The following LRRC7 variants were observed in gnomAD, a reference collection of about 807,000 sequenced individuals.
LRRC7 encodes leucine-rich repeat-containing protein 7.
A neutral mutation model predicts 175.7 loss-of-function variants in LRRC7; 23 were observed. That is an observed-to-expected ratio of 0.13 (90% CI 0.09 to 0.19). LRRC7 has a LOEUF of 0.19. LRRC7 is among the 10% of genes least tolerant of loss of function. LRRC7 has a pLI of 1.00. For missense variants in LRRC7, 1,354 were observed against 1,904.7 expected, an observed-to-expected ratio of 0.71 and a Z score of 5.38; for synonymous variants, 685 against 680.9, an observed-to-expected ratio of 1.01 and a Z score of -0.09.
intron 7 of LRRC7, among the ~76,000 whole-genome samples, chr1:69,868,720 A>G (rs1428507540): frequency 6.6e-6 from 1 of 152,096 alleles, no homozygotes; most frequent in Admixed American, 6.6e-5. Context: ...AGTGCCACAG[A>G]CTTGTTGGAC....
intron 1 of LRRC7, among the ~76,000 whole-genome samples, chr1:69,622,871 G>A (rs1650856392): frequency 6.6e-6 from 1 of 152,064 alleles, no homozygotes; most frequent in African/African-American, 2.4e-5. Flanking sequence ...CTAAATATAG[G>A]CCAGGATAAG....
intron 2 of LRRC7, among the ~76,000 whole-genome samples, chr1:69,711,701 G>T (rs963261524): frequency 6.6e-6 from 1 of 152,154 alleles, no homozygotes; most frequent in African/African-American, 2.4e-5. Context: ...CTCAAGTGCT[G>T]TAGCAACACT....
Position 69,803,258 on chromosome 1 carries a change from G to A in LRRC7, c.421+11098G>A, listed in dbSNP as rs141356698. ...GCCATTCTTAATACTGAATTCTTCC[G>A]CAAGAATATTAGGTTCAACTTGTTG... On this transcript the variant is annotated intron_variant, in intron 4 of 26. Coordinates refer to ENST00000651989, the MANE Select transcript of LRRC7 (RefSeq NM_001370785.2). 1.1e-3 allele frequency among the ~76,000 whole-genome samples: 171 copies of A among 151,228 alleles called. 1 individual carries two copies. The highest frequency in any genetic ancestry group is 3.6e-3 in the African/African-American group (150 of 41,418).
At chr1:69,860,865 C>A (rs1229284512) in intron 7 of LRRC7, among the ~76,000 whole-genome samples, 3 of 151,936 alleles carry the variant, frequency 2.0e-5, no homozygotes, top group Non-Finnish European at 2.9e-5. Context: ...TATCTCTTCC[C>A]AAATTATTCA....
chr1:69,655,499 A>C (rs975464245), intron 1 of LRRC7, among the ~76,000 whole-genome samples: 1 of 152,050 alleles, frequency 6.6e-6, no homozygotes, highest in African/African-American at 2.4e-5. Context: ...AAGCCAACAG[A>C]ACCTGTCTTC....
At chr1:69,726,295 T>C (rs1385844915) in intron 2 of LRRC7, among the ~76,000 whole-genome samples, 2 of 152,186 alleles carry the variant, frequency 1.3e-5, no homozygotes, top group African/African-American at 4.8e-5. Flanking sequence ...GGAAAGAGTT[T>C]CCTTGAAAGA....
chr1:69,912,887 C>T (rs976977323), intron 7 of LRRC7, among the ~76,000 whole-genome samples: 2 of 151,972 alleles, frequency 1.3e-5, no homozygotes, highest in Non-Finnish European at 2.9e-5. Flanking sequence ...TTTTTTTTAA[C>T]AAATATACCT....
intron 8 of LRRC7, among the ~76,000 whole-genome samples, chr1:69,942,630 C>T (rs1347105510): frequency 6.6e-6 from 1 of 152,042 alleles, no homozygotes; most frequent in Middle Eastern, 3.4e-3. Context: ...TTCCTCACAT[C>T]GCCTTGATCT....
At chr1:69,781,501 G>A (rs1002542157) in intron 3 of LRRC7, among the ~76,000 whole-genome samples, 1 of 151,302 alleles carries the variant, frequency 6.6e-6, no homozygotes, top group African/African-American at 2.4e-5. Flanking sequence ...GACCATCATG[G>A]TGAAGTCCCG....
intron 7 of LRRC7, among the ~76,000 whole-genome samples, chr1:69,891,574 A>C (rs1014014846): frequency 6.6e-6 from 1 of 152,220 alleles, no homozygotes; most frequent in Non-Finnish European, 1.5e-5. Flanking sequence ...TCTACTAAAA[A>C]TACAAAACTT....
intron 7 of LRRC7, among the ~76,000 whole-genome samples, chr1:69,857,668 A>G (rs1474879294): frequency 3.9e-5 from 6 of 152,108 alleles, no homozygotes; most frequent in Non-Finnish European, 5.9e-5. Flanking sequence ...TCAATATCGT[A>G]AAAATGGCCA....
intron 2 of LRRC7, among the ~76,000 whole-genome samples, chr1:69,712,928 A>T (rs1664936032): frequency 6.6e-6 from 1 of 152,136 alleles, no homozygotes; most frequent in South Asian, 2.1e-4. Context: ...CTGCCTATGT[A>T]ACACAAAGAT....
chr1:69,967,643 C>A (rs1651793747), intron 8 of LRRC7, among the ~76,000 whole-genome samples: 1 of 152,170 alleles, frequency 6.6e-6, no homozygotes, highest in Admixed American at 6.5e-5. Flanking sequence ...GTACAGACAA[C>A]CCCCAGTCCC....
intron 1 of LRRC7, among the ~76,000 whole-genome samples, chr1:69,622,736 T>C (rs1650830159): frequency 6.6e-6 from 1 of 152,166 alleles, no homozygotes; most frequent in Non-Finnish European, 1.5e-5. Context: ...TCTAATCATA[T>C]GTGTTGCTTT....
At chr1:70,005,190 G>A (rs967599672) in intron 11 of LRRC7, among the ~76,000 whole-genome samples, 1 of 152,128 alleles carries the variant, frequency 6.6e-6, no homozygotes, top group African/African-American at 2.4e-5. Context: ...GGGGTTAATA[G>A]TAGATAAAGG....
intron 7 of LRRC7, among the ~76,000 whole-genome samples, chr1:69,876,323 A>G (rs927543954): frequency 1.3e-5 from 2 of 152,096 alleles, no homozygotes; most frequent in Non-Finnish European, 2.9e-5. Flanking sequence ...TGATTATTTT[A>G]TCAGTTTTTA....
At chr1:69,915,161 C>T (rs896271653) in intron 7 of LRRC7, among the ~76,000 whole-genome samples, 13 of 152,072 alleles carry the variant, frequency 8.5e-5, no homozygotes, top group African/African-American at 3.1e-4. Context: ...GGCCAAATGG[C>T]AAAACCACAT....
In LRRC7 at chr1:70,121,875, GCTTA is replaced by G. The variant is rs745579875; in HGVS notation, c.4719_4722del (p.Thr1574SerfsTer6). 6.3e-7 allele frequency: 1 copy of G among 1,599,090 alleles called. No individual in the cohort carries two copies. ...CAGTAGACCTAGTTATTCAACGTGAGCTTACTGTCTAAATATTTTTTATAAATAG... is the reference window on the plus strand; with the variant it reads ...CAGTAGACCTAGTTATTCAACGTGAGCTGTCTAAATATTTTTTATAAATAG... On this transcript the variant is annotated frameshift_variant, in exon 27 of 27. Coordinates refer to ENST00000651989, the MANE Select transcript of LRRC7 (RefSeq NM_001370785.2). LOFTEE classifies it high-confidence loss of function.
intron 21 of LRRC7, among the ~76,000 whole-genome samples, chr1:70,040,568 T>C (rs1022710929): frequency 1.3e-5 from 2 of 152,196 alleles, no homozygotes; most frequent in African/African-American, 4.8e-5. Context: ...ATGCCTGTAA[T>C]CCCAGCACTT....
Sources: allele counts gnomAD v4.1 joint callset (sites outside exome capture counted in the v4.1 genomes callset), GRCh38; gene constraint gnomAD v4.1.1; transcripts MANE v1.5; gene names NCBI Gene and HGNC (gene_info 2026-07-23, HGNC 2026-07-21).